Variants in ADGRD2 observed in about 807,000 individuals in gnomAD.
ADGRD2 encodes adhesion G protein-coupled receptor D2.
A neutral mutation model predicts 44.4 loss-of-function variants in ADGRD2; 71 were observed. That is an observed-to-expected ratio of 1.60 (90% confidence interval 1.32 to 1.95). The LOEUF is 1.95. ADGRD2 is among the 30% of genes most tolerant of loss of function. The pLI, the probability that ADGRD2 is intolerant of heterozygous loss-of-function variation, is 0.00. For synonymous variants in ADGRD2, 481 were observed against 224.8 expected (o/e 2.14, Z -10.19); for missense variants, 1,039 against 512.4 (o/e 2.03, Z -9.92).
upstream of ADGRD2, chr9:124,451,118 C>T (rs1412994889): frequency 4.2e-6 from 2 of 472,298 alleles, no homozygotes; most frequent in Non-Finnish European, 8.8e-6. Context: ...GGCATGGTCA[C>T]AGGTCCAGAG....
upstream of ADGRD2, chr9:124,451,354 TC>T (rs1831464364): frequency 2.5e-6 from 1 of 398,136 alleles, no homozygotes; most frequent in Admixed American, 2.7e-5. Flanking sequence ...TGCTGCTGCC[TC>T]CCCCTCTCCC....
rs1243250917 is a variant in ADGRD2 at position 124,456,686 on chromosome 9, CA to C, written c.1460del (p.Met488Ter). Reference sequence around the variant, plus strand: ...CGCCTGGCACCCCTGCTGAGCACCTCAATGACCTCAGAGCGGCCCCGAATGC... The same window carrying C: ...CGCCTGGCACCCCTGCTGAGCACCTCATGACCTCAGAGCGGCCCCGAATGC... On this transcript the variant is annotated frameshift_variant, in exon 7 of 22. Transcript: ENST00000334810. LOFTEE classifies it high-confidence loss of function. 2.8e-6 allele frequency: 2 copies of C among 715,766 alleles called. No individual in the cohort carries two copies. The highest frequency in any genetic ancestry group is 1.7e-5 in the African/African-American group (1 of 57,256). The allele number at this position is 715,766 out of a possible 1,614,324, so 44.3% of individuals were successfully genotyped here. A position where few individuals can be genotyped will look rare whatever the true frequency, so the allele number is the denominator to read the frequency against.
At chr9:124,451,806 G>A (rs1473604068), upstream of ADGRD2, 4 of 421,054 alleles carry the variant, frequency 9.5e-6, no homozygotes, top group Non-Finnish European at 1.3e-5. Context: ...CACTGCAAAT[G>A]TTATCCAAGA....
At chr9:124,475,852 G>C (rs1832041215) in intron 19 of ADGRD2, among the ~76,000 whole-genome samples, 1 of 152,174 alleles carries the variant, frequency 6.6e-6, no homozygotes, top group Non-Finnish European at 1.5e-5. Context: ...CAGTGCCTCA[G>C]TTTCCCCAGC....
chr9:124,467,869 G>A (rs372501016), intron 12 of ADGRD2, 45 bp downstream of exon 15: 32 of 716,562 alleles, frequency 4.5e-5, no homozygotes, highest in Admixed American at 3.6e-4. Flanking sequence ...GGGCCCTCCC[G>A]CCTCGCTCAG....
At chr9:124,451,380 A>G, upstream of ADGRD2, 1 of 380,376 alleles carries the variant, frequency 2.6e-6, no homozygotes, top group South Asian at 1.9e-5. Context: ...CTCCAGGGCG[A>G]CAGTGTTTCC....
At chr9:124,476,545 T>C in intron 20 of ADGRD2, 130 bp downstream of exon 23, 1 of 639,038 alleles carries the variant, frequency 1.6e-6, no homozygotes, top group Non-Finnish European at 2.8e-6. Flanking sequence ...GTTTCTCTGT[T>C]CTTGGGCTGA....
Position 124,453,696 on chromosome 9 carries a change from G to GC in ADGRD2, c.923+20_923+21insC. The GC allele has an allele frequency of 4.8e-6, 1 of 208,044 alleles. No homozygotes were observed. Among genetic ancestry groups the GC allele is most frequent in the Non-Finnish European group, 9.0e-6 (1 of 111,368 alleles). The allele number at this position is 208,044 out of a possible 1,614,324, so 12.9% of individuals were successfully genotyped here. On this transcript the variant is annotated intron_variant, in intron 3 of 21. Coordinates refer to ENST00000334810, the Ensembl canonical transcript of ADGRD2. ...GTCCCGGTACGACCCGCCCCGCCCC[G>GC]GCCCCACCCCATGGCCCCGAATCCT...
At chr9:124,453,714 CGA>C in intron 3 of ADGRD2, 38 bp downstream of exon 6, 1 of 674,032 alleles carries the variant, frequency 1.5e-6, no homozygotes, top group South Asian at 1.6e-5. Context: ...CCCATGGCCC[CGA>C]ATCCTTCCCT....
At chr9:124,452,247 G>A (rs1831492066) in intron 1 of ADGRD2, 93 bp downstream of exon 4, 1 of 641,452 alleles carries the variant, frequency 1.6e-6, no homozygotes, top group Admixed American at 2.6e-5. Flanking sequence ...ATGCAAAGGA[G>A]GGGAAGAGTA....
Position 124,454,446 on chromosome 9 carries a change from ATTGCCCGGGGCC to A in ADGRD2, c.1023-36_1023-25del. On this transcript the variant is annotated intron_variant, in intron 4 of 21. Transcript: ENST00000334810. This position sits in a 1 kb window ranked among gnomAD's most constrained non-coding sequence, Gnocchi z 4.5. ...CAGGCTGGCATCTCTGGGCAGGGGT[ATTGCCCGGGGCC>A]TAGCCTGGCATCCACTCCTTTGCAG... 3 of 694,682 alleles carry A rather than the reference ATTGCCCGGGGCC, an allele frequency of 4.3e-6. No individual in the cohort carries two copies. The highest frequency in any genetic ancestry group is 8.2e-6 in the Non-Finnish European group (3 of 367,342). 43.0% of individuals were successfully genotyped at this position (694,682 alleles called of 1,614,324 possible).
exon 7 of ADGRD2, chr9:124,456,705 C>G: frequency 1.4e-6 from 1 of 712,232 alleles, no homozygotes; most frequent in Non-Finnish European, 2.6e-6. Flanking sequence ...CAGAGCGGCC[C>G]CGAATGCGCA....
At chr9:124,469,454 G>A (rs878929346) in exon 16 of ADGRD2, 25 of 718,066 alleles carry the variant, frequency 3.5e-5, no homozygotes, top group Admixed American at 1.2e-4. Context: ...ATCCTGGCCC[G>A]TGTGGTAATG....
At chr9:124,458,063 T>A (rs1831650932) in intron 8 of ADGRD2, 50 bp from the exon 12 acceptor site, 1 of 716,658 alleles carries the variant, frequency 1.4e-6, no homozygotes, top group Middle Eastern at 2.3e-4. Flanking sequence ...CAACTGGTGG[T>A]GCTTGCCCAG....
At position 124,469,356 on chromosome 9, in the gene ADGRD2, G is replaced by A. The variant is rs1346124762; in HGVS notation, c.2521+1G>A. 1.4e-6 allele frequency: 1 copy of A among 718,290 alleles called. No homozygotes were observed. Among genetic ancestry groups the A allele is most frequent in the Non-Finnish European group, 2.6e-6 (1 of 385,120 alleles). The allele number at this position is 718,290 out of a possible 1,614,324, so 44.5% of individuals were successfully genotyped here. A position where few individuals can be genotyped will look rare whatever the true frequency, so the allele number is the denominator to read the frequency against. The stretch of plus-strand genomic sequence containing the variant: ...GGGGCCTGTGCTCTTCGTGCTGACT[G>A]TGAGCTGGGGACCTGCAGGGGAGGG... On this transcript the variant is annotated splice_donor_variant, in intron 15 of 21. Transcript: ENST00000334810. LOFTEE classifies it high-confidence loss of function.
chr9:124,462,886 CCTTCCTTCCTTT>C lies in ADGRD2; in HGVS notation c.1871-3360_1871-3349del, dbSNP rs1564140552. 3.5e-5 allele frequency among the ~76,000 whole-genome samples: 5 copies of C among 143,950 alleles called. No homozygotes were observed. In the South Asian group the frequency reaches 1.0e-3, roughly 30 times the overall value. The allele number at this position is 143,950 out of a possible 152,430, so 94.4% of individuals were successfully genotyped here. A position where few individuals can be genotyped will look rare whatever the true frequency, so the allele number is the denominator to read the frequency against. On this transcript the variant is annotated intron_variant, in intron 10 of 21. Transcript: ENST00000334810. ...TTTCCAATCCATGTCTTCCTTTCTT[CCTTCCTTCCTTT>C]CTTCCTTCCTTCCTTCCTGACTTTC...
intron 11 of ADGRD2, chr9:124,467,343 A>C (rs113899877): frequency 1.5e-4 from 9 of 58,236 alleles, no homozygotes; most frequent in South Asian, 7.1e-4. Flanking sequence ...GAAGCAACAA[A>C]AAAAAAAAAA....
At chr9:124,451,411 C>A (rs1368600476), upstream of ADGRD2, 1 of 360,184 alleles carries the variant, frequency 2.8e-6, no homozygotes, top group Admixed American at 3.7e-5. Flanking sequence ...CCTGAAGGGG[C>A]TCCTGGAGAC....
In ADGRD2 at chr9:124,454,191, G is replaced by A. The variant is rs1363114566; in HGVS notation, c.1022+94G>A. ...GGGGTGAGCTGCTGGCAAAGTCTGG[G>A]AATTCAGAATAAACTCAGAGCTTCA... On this transcript the variant is annotated intron_variant, in intron 4 of 21. Coordinates refer to ENST00000334810, the Ensembl canonical transcript of ADGRD2. This position sits in a 1 kb window ranked among gnomAD's most constrained non-coding sequence, Gnocchi z 4.5. 3.3e-6 allele frequency: 2 copies of A among 603,074 alleles called. No homozygotes were observed. Among genetic ancestry groups the A allele is most frequent in the Admixed American group, 5.9e-5 (2 of 33,688 alleles). 37.4% of individuals were successfully genotyped at this position (603,074 alleles called of 1,614,324 possible).
Sources: gnomAD v4.1 joint callset for allele counts (sites outside exome capture counted in the v4.1 genomes callset) on GRCh38, gnomAD v4.1.1 for gene constraint, Gnocchi (gnomAD v3.1) non-coding constraint, MANE v1.5 for transcripts, NCBI Gene and HGNC (gene_info 2026-07-23, HGNC 2026-07-21) for gene names.